Variants in TRIM24 observed in about 807,000 individuals in gnomAD.
The protein encoded by TRIM24 is tripartite motif containing 24, also known as transcription intermediary factor 1-alpha.
Under a neutral mutation model 123.9 loss-of-function variants are expected in TRIM24, and 29 were observed. The observed-to-expected ratio is 0.23, with a 90% confidence interval of 0.17 to 0.32. The LOEUF (loss-of-function observed/expected upper bound fraction) is 0.32, where lower values mean the gene tolerates loss of function less well. TRIM24 is among the 10% of genes least tolerant of loss of function. The probability of loss-of-function intolerance (pLI) is 1.00; values close to 1 mark genes in which losing one functional copy is unlikely to be tolerated. For synonymous variants in TRIM24, 456 were observed against 461.1 expected (o/e 0.99, Z 0.14); for missense variants, 932 against 1,295.3 (o/e 0.72, Z 4.31).
chr7:138,547,412 A>G (rs1050838846), intron 7 of TRIM24, among the ~76,000 whole-genome samples: 1 of 152,250 alleles, frequency 6.6e-6, no homozygotes, highest in East Asian at 1.9e-4. Context: ...TCACAAAAAA[A>G]TAAGTATATG....
In TRIM24 at chr7:138,551,021, A is replaced by G. The variant is rs370525801; in HGVS notation, c.1144-42A>G. 9.9e-5 allele frequency: 152 copies of G among 1,532,948 alleles called. No homozygotes were observed. The African/African-American group carries it at 1.9e-3, about 19-fold the overall frequency. The allele number at this position is 1,532,948 out of a possible 1,614,324, so 95.0% of individuals were successfully genotyped here. ...TGTATATTTACTGGGCGCTTAATAAATTATTTGCCTAATATTTAGTTATCT... is the reference window on the plus strand; with the variant it reads ...TGTATATTTACTGGGCGCTTAATAAGTTATTTGCCTAATATTTAGTTATCT... On this transcript the variant is annotated intron_variant, in intron 7 of 18. Transcript: ENST00000343526.
rs1428818224 is a variant in TRIM24 at position 138,584,016 on chromosome 7, G to A, written c.2943+17G>A. ...TTCAATGAGGTGAGGCTAGGGGAGG[G>A]AAGGGGGCAGGAAGGAACAGCAGTG... On this transcript the variant is annotated intron_variant, in intron 18 of 18. Transcript: ENST00000343526. 2 of 1,592,264 alleles carry A rather than the reference G, an allele frequency of 1.3e-6. No homozygotes were observed. The highest frequency in any genetic ancestry group is 1.7e-6 in the Non-Finnish European group (2 of 1,174,172).
intron 18 of TRIM24, 100 bp downstream of exon 18, chr7:138,584,099 T>C: frequency 7.4e-7 from 1 of 1,350,842 alleles, no homozygotes; most frequent in Non-Finnish European, 1.0e-6. Context: ...ATGTCTGAGT[T>C]AGAATAAATT....
intron 9 of TRIM24, among the ~76,000 whole-genome samples, chr7:138,561,330 T>G (rs1797423031): frequency 6.6e-6 from 1 of 152,138 alleles, no homozygotes; most frequent in South Asian, 2.1e-4. Flanking sequence ...GTGTAAGATC[T>G]TTCTGGCTTG....
rs954019114 is a variant in TRIM24 at position 138,588,201 on chromosome 7, T to G, written c.*3250T>G. 6.6e-6 allele frequency: 1 copy of G among 152,222 alleles called. No individual in the cohort carries two copies. Among genetic ancestry groups the G allele is most frequent in the Non-Finnish European group, 1.5e-5 (1 of 68,034 alleles). The allele number at this position is 152,222 out of a possible 1,614,324, so 9.4% of individuals were successfully genotyped here. A position where few individuals can be genotyped will look rare whatever the true frequency, so the allele number is the denominator to read the frequency against. On this transcript the variant is annotated 3_prime_UTR_variant, in exon 19 of 19. Transcript: ENST00000343526. ...TCAATATGCTATGCTGTTACTGTGCTTAGACACTTCCTTACGTTTGAGTTC... is the reference window on the plus strand; with the variant it reads ...TCAATATGCTATGCTGTTACTGTGCGTAGACACTTCCTTACGTTTGAGTTC...
At chr7:138,487,673 C>G (rs576638151) in intron 1 of TRIM24, among the ~76,000 whole-genome samples, 33 of 152,220 alleles carry the variant, frequency 2.2e-4, no homozygotes, top group African/African-American at 7.5e-4. Flanking sequence ...GTTGAGCCAG[C>G]CTTGCATCCC....
Position 138,525,229 on chromosome 7 carries a change from T to G in TRIM24, c.765-12T>G. The G allele has an allele frequency of 2.3e-6, 3 of 1,325,818 alleles. No individual in the cohort carries two copies. 82.1% of individuals were successfully genotyped at this position (1,325,818 alleles called of 1,614,324 possible). A position where few individuals can be genotyped will look rare whatever the true frequency, so the allele number is the denominator to read the frequency against. ...TATATTTTTATATGAAATAATTTGCTTATTTCTTCAGATACCAATTTATAG... is the reference window on the plus strand; with the variant it reads ...TATATTTTTATATGAAATAATTTGCGTATTTCTTCAGATACCAATTTATAG... On this transcript the variant is annotated splice_polypyrimidine_tract_variant and intron_variant, in intron 4 of 18. Coordinates refer to ENST00000343526, the MANE Select transcript of TRIM24 (RefSeq NM_015905.3).
At position 138,584,954 on chromosome 7, in the gene TRIM24, T is replaced by C; in HGVS notation, c.*3T>C. On this transcript the variant is annotated 3_prime_UTR_variant, in exon 19 of 19. Transcript: ENST00000343526. ...AAGAACGCCAGTTGCTTAAATAATA[T>C]GCAGCACCACTAGCTTGTGCTGGTT... 6.2e-7 allele frequency: 1 copy of C among 1,602,258 alleles called. No homozygotes were observed. Among genetic ancestry groups the C allele is most frequent in the East Asian group, 2.2e-5 (1 of 44,796 alleles).
At chr7:138,481,256 A>G (rs529078172) in intron 1 of TRIM24, among the ~76,000 whole-genome samples, 55 of 150,958 alleles carry the variant, frequency 3.6e-4, no homozygotes, top group African/African-American at 1.1e-3. Context: ...CTCCCAAGTT[A>G]TTATTTTTTT....
At chr7:138,516,807 C>T (rs1006934719) in intron 3 of TRIM24, among the ~76,000 whole-genome samples, 6 of 141,296 alleles carry the variant, frequency 4.2e-5, no homozygotes, top group Admixed American at 7.5e-5. Flanking sequence ...GTAGCAAAAC[C>T]GTTTTGTTTT....
intron 9 of TRIM24, among the ~76,000 whole-genome samples, chr7:138,566,241 C>T (rs1487305344): frequency 6.6e-6 from 1 of 152,098 alleles, no homozygotes; most frequent in East Asian, 1.9e-4. Context: ...TCTGGCCAGG[C>T]ACAGTGGCTC....
At chr7:138,584,288 A>C (rs901709605) in intron 18 of TRIM24, among the ~76,000 whole-genome samples, 4 of 152,124 alleles carry the variant, frequency 2.6e-5, no homozygotes, top group African/African-American at 4.8e-5. Flanking sequence ...TCTTATTTTT[A>C]TGTTGATCTT....
At chr7:138,564,893 C>T (rs1303696839) in intron 9 of TRIM24, among the ~76,000 whole-genome samples, 1 of 152,124 alleles carries the variant, frequency 6.6e-6, no homozygotes, top group Admixed American at 6.5e-5. Context: ...CTCTCATTTC[C>T]TCCCAGTTAC....
chr7:138,481,232 T>G (rs909487514), intron 1 of TRIM24, among the ~76,000 whole-genome samples: 10 of 152,000 alleles, frequency 6.6e-5, no homozygotes, highest in African/African-American at 2.4e-4. Context: ...GCTCAGTGAT[T>G]CACCTGCCTT....
intron 1 of TRIM24, among the ~76,000 whole-genome samples, chr7:138,497,432 G>A (rs970634315): frequency 1.6e-5 from 2 of 123,386 alleles, no homozygotes; most frequent in Non-Finnish European, 3.2e-5. Flanking sequence ...AAAGAGTCTC[G>A]CTCTGTCTCC....
chr7:138,479,506 G>A (rs1260646931), intron 1 of TRIM24, among the ~76,000 whole-genome samples: 1 of 151,936 alleles, frequency 6.6e-6, no homozygotes, highest in Admixed American at 6.6e-5. Flanking sequence ...CTGAGTAGCT[G>A]GGCGTGTGTC....
At chr7:138,477,999 A>T (rs1795440928) in intron 1 of TRIM24, among the ~76,000 whole-genome samples, 1 of 152,236 alleles carries the variant, frequency 6.6e-6, no homozygotes, top group Non-Finnish European at 1.5e-5. Context: ...AAATGCAGGC[A>T]ATTGATAATT....
intron 2 of TRIM24, among the ~76,000 whole-genome samples, chr7:138,505,941 A>G (rs1017485827): frequency 1.3e-5 from 2 of 152,178 alleles, no homozygotes; most frequent in African/African-American, 2.4e-5. Context: ...ATCTTGATTC[A>G]TTGATGATTC....
chr7:138,500,207 A>G (rs1796006286), intron 1 of TRIM24, among the ~76,000 whole-genome samples: 1 of 152,200 alleles, frequency 6.6e-6, no homozygotes, highest in Admixed American at 6.6e-5. Context: ...CAGAAAGGAG[A>G]TAACAAATCA....
Sources: allele counts gnomAD v4.1 joint callset (sites outside exome capture counted in the v4.1 genomes callset), GRCh38; gene constraint gnomAD v4.1.1; transcripts MANE v1.5; gene names NCBI Gene and HGNC (gene_info 2026-07-23, HGNC 2026-07-21).